RANBP17: variants seen among roughly 807,000 people sequenced by gnomAD.
RANBP17 encodes the protein RAN binding protein 17.
A neutral mutation model predicts 141.2 loss-of-function variants in RANBP17; 158 were observed. That is an observed-to-expected ratio of 1.12 (90% CI 0.98 to 1.28). RANBP17 has a LOEUF of 1.28. RANBP17 is among the 50% of genes most tolerant of loss of function. RANBP17 has a pLI of 0.00. For synonymous variants in RANBP17, 430 were observed against 450.0 expected, an observed-to-expected ratio of 0.96 and a Z score of 0.56; for missense variants, 1,438 against 1,290.7, an observed-to-expected ratio of 1.11 and a Z score of -1.75.
chr5:171,141,415 T>C (rs2127810033), intron 14 of RANBP17, among the ~76,000 whole-genome samples: 1 of 147,898 alleles, frequency 6.8e-6, no homozygotes, highest in South Asian at 2.1e-4. Context: ...GCTAGCATGG[T>C]GAAACCCCAT....
intron 12 of RANBP17, among the ~76,000 whole-genome samples, chr5:170,944,599 A>G (rs1487182162): frequency 8.5e-5 from 13 of 152,160 alleles, no homozygotes; most frequent in Non-Finnish European, 1.9e-4. Flanking sequence ...TTCACTGTTC[A>G]TCTCTAACAT....
At chr5:171,082,965 A>C (rs1188058220) in intron 14 of RANBP17, among the ~76,000 whole-genome samples, 1 of 152,140 alleles carries the variant, frequency 6.6e-6, no homozygotes, top group East Asian at 1.9e-4. Flanking sequence ...CCTATCAAGT[A>C]AACATGTCCA....
chr5:171,156,868 A>G (rs1758939943), intron 14 of RANBP17, among the ~76,000 whole-genome samples: 2 of 152,272 alleles, frequency 1.3e-5, no homozygotes, highest in African/African-American at 4.8e-5. Context: ...TTTTCTGTTT[A>G]TCGAAAACAG....
At chr5:171,057,662 A>AGGACAGAG (rs72457111) in intron 14 of RANBP17, among the ~76,000 whole-genome samples, 92,626 of 151,654 alleles carry the variant, frequency 0.61, 29,635 homozygotes, top group South Asian at 0.88. Flanking sequence ...TAATTTATAA[A>AGGACAGAG]GCTTCATTGA....
At chr5:171,053,160 A>T (rs534794298) in intron 14 of RANBP17, among the ~76,000 whole-genome samples, 2 of 151,562 alleles carry the variant, frequency 1.3e-5, no homozygotes, top group Non-Finnish European at 2.9e-5. Context: ...ATTTCTTTCA[A>T]CAATGCCTTA....
At chr5:171,111,016 C>G (rs1486360760) in intron 14 of RANBP17, among the ~76,000 whole-genome samples, 2 of 151,870 alleles carry the variant, frequency 1.3e-5, no homozygotes, top group East Asian at 1.9e-4. Flanking sequence ...CCCCTCTCCC[C>G]CCACCCCACC....
At chr5:171,212,157 T>C (rs1762934072) in intron 20 of RANBP17, among the ~76,000 whole-genome samples, 1 of 152,192 alleles carries the variant, frequency 6.6e-6, no homozygotes, top group Non-Finnish European at 1.5e-5. Context: ...CCTCCTGGGA[T>C]AATTGACACC....
chr5:170,888,920 A>G (rs1476538615), intron 3 of RANBP17, among the ~76,000 whole-genome samples: 1 of 152,064 alleles, frequency 6.6e-6, no homozygotes, highest in Admixed American at 6.6e-5. Flanking sequence ...ACCATTCAAC[A>G]TCAATGGATG....
At chr5:170,955,681 T>TATATATATATATATAC (rs769742239) in intron 13 of RANBP17, among the ~76,000 whole-genome samples, 1 of 39,062 alleles carries the variant, frequency 2.6e-5, no homozygotes, top group African/African-American at 7.6e-5. Flanking sequence ...TATATATATA[T>TATATATATATATATAC]ACACTGAATG....
intron 25 of RANBP17, among the ~76,000 whole-genome samples, chr5:171,285,049 G>T (rs1768078815): frequency 6.6e-6 from 1 of 152,114 alleles, no homozygotes; most frequent in Admixed American, 6.5e-5. Flanking sequence ...CCACTCAAAA[G>T]GTCTTTTTCA....
intron 1 of RANBP17, among the ~76,000 whole-genome samples, chr5:170,875,060 T>G (rs1768068185): frequency 6.6e-6 from 1 of 152,072 alleles, no homozygotes; most frequent in Admixed American, 6.6e-5. Context: ...TTGTCTGAAA[T>G]GGATTTTATT....
intron 14 of RANBP17, among the ~76,000 whole-genome samples, chr5:171,028,119 C>CA (rs920956995): frequency 9.3e-5 from 14 of 150,130 alleles, no homozygotes; most frequent in South Asian, 2.1e-4. Context: ...TAAGGCACTA[C>CA]AAAAAAAAGC....
Position 171,105,164 on chromosome 5 carries a change from C to T in RANBP17, c.1711-64966C>T, listed in dbSNP as rs370179650. ...TTGGGAGGCCAAGGCGGGCAGATCACGAGGTCAGGAGATCGAGACCATCCC... is the reference window on the plus strand; with the variant it reads ...TTGGGAGGCCAAGGCGGGCAGATCATGAGGTCAGGAGATCGAGACCATCCC... On this transcript the variant is annotated intron_variant, in intron 14 of 27. Transcript: ENST00000523189. Among the ~76,000 whole-genome samples, 8 of 151,306 alleles carry T rather than the reference C, an allele frequency of 5.3e-5. No individual in the cohort carries two copies. In the East Asian group the frequency reaches 7.8e-4, roughly 15 times the overall value.
At position 170,862,113 on chromosome 5, in the gene RANBP17, C is replaced by G. The variant is rs543349597; in HGVS notation, c.18+62C>G. On this transcript the variant is annotated intron_variant, in intron 1 of 27. Coordinates refer to ENST00000523189, the MANE Select transcript of RANBP17 (RefSeq NM_022897.5). ...ACGCTGGGAACCCGGCGGGACGCGTCTGGAGACCGAGGGCCGAGGACAGCG... is the reference window on the plus strand; with the variant it reads ...ACGCTGGGAACCCGGCGGGACGCGTGTGGAGACCGAGGGCCGAGGACAGCG... 51 of 1,400,142 alleles carry G rather than the reference C, an allele frequency of 3.6e-5. No individual in the cohort carries two copies. The East Asian group carries it at 1.4e-3, about 39-fold the overall frequency. 86.7% of individuals were successfully genotyped at this position (1,400,142 alleles called of 1,614,324 possible). A position where few individuals can be genotyped will look rare whatever the true frequency, so the allele number is the denominator to read the frequency against.
chr5:171,258,202 A>G (rs1480762354), intron 24 of RANBP17, among the ~76,000 whole-genome samples: 1 of 151,958 alleles, frequency 6.6e-6, no homozygotes, highest in African/African-American at 2.4e-5. Flanking sequence ...AGATCTCTAC[A>G]AGGAAAACTG....
chr5:170,911,113 A>T lies in RANBP17; in HGVS notation c.739A>T (p.Ile247Phe), dbSNP rs1581125601. Reference protein sequence around the residue: ...ESADDLCTVQIPTTWRTIFLE... With the variant: ...ESADDLCTVQFPTTWRTIFLE... ...TGCAGATGATCTTTGCACGGTGCAG[A>T]TTCCAACAACTTGGAGAACAAGTAA... is the stretch of plus-strand genomic sequence containing the variant. Residue 247 changes from isoleucine to phenylalanine, a missense_variant, in exon 7 of 28, where the codon ATT becomes TTT. Coordinates refer to ENST00000523189, the MANE Select transcript of RANBP17 (RefSeq NM_022897.5). 5.6e-6 allele frequency: 9 copies of T among 1,611,502 alleles called. No individual in the cohort carries two copies. Among genetic ancestry groups the T allele is most frequent in the Non-Finnish European group, 7.6e-6 (9 of 1,178,356 alleles).
chr5:171,046,836 A>G (rs1426594356), intron 14 of RANBP17, among the ~76,000 whole-genome samples: 1 of 152,078 alleles, frequency 6.6e-6, no homozygotes, highest in East Asian at 1.9e-4. Context: ...AAACTGTCTT[A>G]CTCTAATTTA....
chr5:171,107,411 G>A (rs1463975908), intron 14 of RANBP17, among the ~76,000 whole-genome samples: 1 of 152,192 alleles, frequency 6.6e-6, no homozygotes, highest in Non-Finnish European at 1.5e-5. Context: ...TGAGTATTGA[G>A]TGCAAGCAAC....
chr5:170,904,032 C>A, intron 5 of RANBP17: 1 of 471,864 alleles, frequency 2.1e-6, no homozygotes, highest in South Asian at 1.8e-5. Context: ...TAAAGATCAC[C>A]AGCTGCTTCA....
Sources: gnomAD v4.1 joint callset for allele counts (sites outside exome capture counted in the v4.1 genomes callset) on GRCh38, gnomAD v4.1.1 for gene constraint, MANE v1.5 for transcripts, NCBI Gene and HGNC (gene_info 2026-07-23, HGNC 2026-07-21) for gene names.